MUSK: variants seen among roughly 807,000 people sequenced by gnomAD.
MUSK encodes the protein muscle, skeletal receptor tyrosine-protein kinase.
Under a neutral mutation model 88.7 loss-of-function variants are expected in MUSK, and 55 were observed. The observed-to-expected ratio is 0.62, with a 90% confidence interval of 0.50 to 0.78. The LOEUF is 0.78. Among genes scored for constraint, MUSK ranks in the 30% least tolerant of loss-of-function variants. MUSK has a pLI of 0.00. For synonymous variants in MUSK, 387 were observed against 391.9 expected (o/e 0.99, Z 0.15); for missense variants, 1,015 against 1,074.3 (o/e 0.94, Z 0.77).
intron 3 of MUSK, among the ~76,000 whole-genome samples, chr9:110,693,793 A>G (rs1043978287): frequency 6.6e-6 from 1 of 152,100 alleles, no homozygotes; most frequent in Non-Finnish European, 1.5e-5. Flanking sequence ...TACCATAGAG[A>G]TCTTGTTCAG....
At chr9:110,706,720 A>G (rs2076603978) in intron 5 of MUSK, among the ~76,000 whole-genome samples, 1 of 152,068 alleles carries the variant, frequency 6.6e-6, no homozygotes, top group Non-Finnish European at 1.5e-5. Context: ...GCTAGACCAG[A>G]GGGCCAACCA....
rs772827480 is a variant in MUSK at position 110,668,901 on chromosome 9, A to C, written c.-4A>C. 2 of 1,612,932 alleles carry C rather than the reference A, an allele frequency of 1.2e-6. No homozygotes were observed. Among genetic ancestry groups the C allele is most frequent in the Admixed American group, 3.3e-5 (2 of 59,988 alleles). ...ACTTCGTCCTGCGTGAGCCTGGATT[A>C]ATCATGAGAGAGCTCGTCAACATTC... On this transcript the variant is annotated 5_prime_UTR_variant, in exon 1 of 15. Coordinates refer to ENST00000374448, the MANE Select transcript of MUSK (RefSeq NM_005592.4).
chr9:110,694,033 T>C (rs939110498), intron 3 of MUSK, among the ~76,000 whole-genome samples: 1 of 152,012 alleles, frequency 6.6e-6, no homozygotes, highest in African/African-American at 2.4e-5. Context: ...AAGCCTTTCT[T>C]GTATTTTTGC....
chr9:110,674,388 A>G (rs915034142), intron 1 of MUSK, among the ~76,000 whole-genome samples: 2 of 152,188 alleles, frequency 1.3e-5, no homozygotes, highest in African/African-American at 4.8e-5. Context: ...ATGATTGTAT[A>G]TAACAATCAC....
intron 6 of MUSK, among the ~76,000 whole-genome samples, chr9:110,734,919 C>T (rs1012428739): frequency 2.0e-5 from 3 of 151,876 alleles, no homozygotes; most frequent in African/African-American, 4.8e-5. Context: ...TATTCTAGGC[C>T]CTGTGGATAC....
At chr9:110,762,067 G>A (rs1016251500) in intron 7 of MUSK, 135 bp from the exon 8 acceptor site, 3 of 1,038,420 alleles carry the variant, frequency 2.9e-6, no homozygotes, top group South Asian at 4.3e-5. Context: ...TAGCAGAAGC[G>A]GAGAACTTTT....
chr9:110,734,180 T>A, intron 5 of MUSK, 71 bp from the exon 6 acceptor site: 1 of 1,520,656 alleles, frequency 6.6e-7, no homozygotes, highest in Non-Finnish European at 8.9e-7. Context: ...CTAATTTGCA[T>A]TTCTAAAAGA....
At chr9:110,702,316 G>C (rs763521720) in intron 5 of MUSK, among the ~76,000 whole-genome samples, 19 of 151,896 alleles carry the variant, frequency 1.3e-4, no homozygotes, top group Non-Finnish European at 2.2e-4. Flanking sequence ...CTAGGAGATT[G>C]GTTTTAAGAC....
At chr9:110,736,475 A>G (rs905869189) in intron 6 of MUSK, among the ~76,000 whole-genome samples, 2 of 152,120 alleles carry the variant, frequency 1.3e-5, no homozygotes, top group African/African-American at 2.4e-5. Flanking sequence ...AATGGTATAC[A>G]TGGCATGTCA....
At chr9:110,701,283 C>T (rs1208006212) in intron 5 of MUSK, among the ~76,000 whole-genome samples, 4 of 152,056 alleles carry the variant, frequency 2.6e-5, no homozygotes, top group African/African-American at 4.8e-5. Context: ...TGTTGCTCTG[C>T]TGTACAGGTG....
chr9:110,676,969 C>T (rs1183961792), intron 1 of MUSK, among the ~76,000 whole-genome samples: 3 of 152,134 alleles, frequency 2.0e-5, no homozygotes, highest in Non-Finnish European at 2.9e-5. Context: ...AGGGGAAAAA[C>T]CTACCTCTCT....
chr9:110,675,469 C>T (rs1198737840), intron 1 of MUSK, among the ~76,000 whole-genome samples: 1 of 151,254 alleles, frequency 6.6e-6, no homozygotes, highest in Admixed American at 6.6e-5. Flanking sequence ...GATCCGCCCG[C>T]CTCGGCCTCT....
At position 110,701,674 on chromosome 9, in the gene MUSK, TA is replaced by T. The variant is rs1564230123; in HGVS notation, c.628+4209del. 4.2e-4 allele frequency among the ~76,000 whole-genome samples: 11 copies of T among 26,400 alleles called. 5 individuals are homozygous for T. The East Asian group carries it at 0.014, about 33-fold the overall frequency. The allele number at this position is 26,400 out of a possible 152,430, so 17.3% of individuals were successfully genotyped here. A position where few individuals can be genotyped will look rare whatever the true frequency, so the allele number is the denominator to read the frequency against. On this transcript the variant is annotated intron_variant, in intron 5 of 14. Transcript: ENST00000374448. ...GCTATTTATTTTATTTATTTTATTT[TA>T]TTTTTTTTACTTTACTTTATTTTAT...
At chr9:110,672,121 T>C (rs138182315) in intron 1 of MUSK, among the ~76,000 whole-genome samples, 311 of 152,352 alleles carry the variant, frequency 2.0e-3, no homozygotes, top group African/African-American at 7.3e-3. Context: ...ACTCATTGCA[T>C]GTTTGAGTAA....
In MUSK at chr9:110,800,950, C is replaced by G. The variant is rs200450921; in HGVS notation, c.2572C>G (p.Arg858Gly). Reference sequence around the variant, plus strand: ...CACCAGTATTCACCGAATTCTGGAACGCATGTGTGAGAGGGCAGAGGGAAC... The same window carrying G: ...CACCAGTATTCACCGAATTCTGGAAGGCATGTGTGAGAGGGCAGAGGGAAC... ...SFTSIHRILERMCERAEGTVS... is the reference protein window; with the variant it reads ...SFTSIHRILEGMCERAEGTVS... The change falls in exon 15 of 15, where the codon CGC (arginine) becomes GGC (glycine). Residue 858 changes from arginine to glycine, a missense_variant. Physicochemically the swap from Arg to Gly is moderately radical, Grantham distance 125. Coordinates refer to ENST00000374448, the MANE Select transcript of MUSK (RefSeq NM_005592.4). The G allele has an allele frequency of 6.6e-7, 1 of 1,523,160 alleles. No homozygotes were observed. The highest frequency in any genetic ancestry group is 8.8e-7 in the Non-Finnish European group (1 of 1,137,440). The allele number at this position is 1,523,160 out of a possible 1,614,324, so 94.4% of individuals were successfully genotyped here. A position where few individuals can be genotyped will look rare whatever the true frequency, so the allele number is the denominator to read the frequency against.
intron 3 of MUSK, among the ~76,000 whole-genome samples, chr9:110,692,921 T>C (rs552309723): frequency 1.4e-3 from 212 of 151,424 alleles, no homozygotes; most frequent in Non-Finnish European, 2.5e-3. Context: ...AATTGATCTT[T>C]TATTTTTTGA....
At chr9:110,676,581 GTGT>G (rs2076033627) in intron 1 of MUSK, among the ~76,000 whole-genome samples, 2 of 152,016 alleles carry the variant, frequency 1.3e-5, no homozygotes, top group South Asian at 2.1e-4. Flanking sequence ...GCCCCAGTGT[GTGT>G]TGTTCCCTTC....
In MUSK at chr9:110,741,008, A is replaced by G. The variant is rs191062242; in HGVS notation, c.753+6633A>G. 1.4e-3 allele frequency among the ~76,000 whole-genome samples: 208 copies of G among 152,234 alleles called. 1 individual carries two copies. Among genetic ancestry groups the G allele is most frequent in the African/African-American group, 4.8e-3 (198 of 41,554 alleles). ...TGGGAGGATGGGGAGATGATCATCA[A>G]AGGGTACAAAGTTTCAGTCATGCAA... On this transcript the variant is annotated intron_variant, in intron 6 of 14. Coordinates refer to ENST00000374448, the MANE Select transcript of MUSK (RefSeq NM_005592.4).
intron 7 of MUSK, among the ~76,000 whole-genome samples, chr9:110,750,748 A>C (rs1415198170): frequency 2.0e-5 from 3 of 152,146 alleles, no homozygotes; most frequent in African/African-American, 4.8e-5. Context: ...TTTCACATTA[A>C]TGTTGCCATC....
Sources: gnomAD v4.1 joint callset for allele counts (sites outside exome capture counted in the v4.1 genomes callset) on GRCh38, gnomAD v4.1.1 for gene constraint, MANE v1.5 for transcripts, NCBI Gene and HGNC (gene_info 2026-07-23, HGNC 2026-07-21) for gene names.